PACRG: variants seen among roughly 807,000 people sequenced by gnomAD.
PACRG encodes the protein parkin coregulated.
Under a neutral mutation model 29.7 loss-of-function variants are expected in PACRG, and 29 were observed. The observed-to-expected ratio is 0.98, with a 90% CI of 0.73 to 1.33. The LOEUF is 1.33. PACRG is among the 40% of genes most tolerant of loss of function. The pLI is 0.00. For synonymous variants in PACRG, 116 were observed against 118.7 expected, an observed-to-expected ratio of 0.98 and a Z score of 0.15; for missense variants, 279 against 316.2, an observed-to-expected ratio of 0.88 and a Z score of 0.89.
intron 2 of PACRG, among the ~76,000 whole-genome samples, chr6:162,944,359 G>A (rs1386968380): frequency 2.0e-5 from 3 of 152,182 alleles, no homozygotes; most frequent in Non-Finnish European, 4.4e-5. Flanking sequence ...AACTGGAGAA[G>A]TGACTGTTGT....
intron 2 of PACRG, among the ~76,000 whole-genome samples, chr6:162,816,811 A>G (rs1405187463): frequency 1.3e-5 from 2 of 152,120 alleles, no homozygotes; most frequent in Non-Finnish European, 2.9e-5. Context: ...GTGTTGAAGG[A>G]AGCAGGGCGA....
At chr6:163,132,671 C>T (rs1816786247) in intron 4 of PACRG, among the ~76,000 whole-genome samples, 1 of 152,298 alleles carries the variant, frequency 6.6e-6, no homozygotes, top group Non-Finnish European at 1.5e-5. Flanking sequence ...ACTTCTGTAC[C>T]TCCTCAGTAG....
At chr6:163,035,685 G>A (rs1808106634) in intron 2 of PACRG, among the ~76,000 whole-genome samples, 1 of 151,352 alleles carries the variant, frequency 6.6e-6, no homozygotes, top group African/African-American at 2.4e-5. Context: ...AGGCATGGTG[G>A]TGTGTGCCTG....
In PACRG at chr6:163,118,189, A is replaced by G. The variant is rs142188647; in HGVS notation, c.613+28781A>G. Reference sequence around the variant, plus strand: ...ACTGCACAAGGAAGAGGAAAATAATACTTGCCACCTACCTACCCATTAGGG... The same window carrying G: ...ACTGCACAAGGAAGAGGAAAATAATGCTTGCCACCTACCTACCCATTAGGG... On this transcript the variant is annotated intron_variant, in intron 4 of 4. Coordinates refer to ENST00000366888, the MANE Select transcript of PACRG (RefSeq NM_001080379.2). Among the ~76,000 whole-genome samples the G allele has an allele frequency of 2.3e-3, 351 of 152,390 alleles. 2 individuals carry two copies. The highest frequency in any genetic ancestry group is 8.0e-3 in the African/African-American group (332 of 41,604).
chr6:162,919,277 A>G (rs978667608), intron 2 of PACRG, among the ~76,000 whole-genome samples: 1 of 152,180 alleles, frequency 6.6e-6, no homozygotes. Context: ...TGTAGAGTTC[A>G]TGCCTGTGAT....
rs180701001 is a variant in PACRG, at chr6:163,180,885, G to T, written c.613+91477G>T. On this transcript the variant is annotated intron_variant, in intron 4 of 4. Transcript: ENST00000366888. ...AGTCACCAGGCACCGAGCGTTGTGT[G>T]TGTTTCACCCGCTTGGCGTTTTCAT... Among the ~76,000 whole-genome samples, 3 of 152,326 alleles carry T rather than the reference G, an allele frequency of 2.0e-5. No individual in the cohort carries two copies. The East Asian group carries it at 5.8e-4, about 29-fold the overall frequency.
chr6:163,008,198 T>G (rs770272728), intron 2 of PACRG, among the ~76,000 whole-genome samples: 1 of 152,068 alleles, frequency 6.6e-6, no homozygotes, highest in Non-Finnish European at 1.5e-5. Flanking sequence ...ATGCTCACTC[T>G]CTCTCACGCA....
At chr6:163,079,312 A>G (rs1369599265) in intron 3 of PACRG, among the ~76,000 whole-genome samples, 1 of 151,946 alleles carries the variant, frequency 6.6e-6, no homozygotes, top group African/African-American at 2.4e-5. Flanking sequence ...ACTGGACTCG[A>G]TCAAATATAG....
intron 4 of PACRG, among the ~76,000 whole-genome samples, chr6:163,301,090 C>T (rs545429962): frequency 6.6e-6 from 1 of 150,970 alleles, no homozygotes; most frequent in Non-Finnish European, 1.5e-5. Flanking sequence ...TTTAGTAGGG[C>T]CACGTCTGCT....
intron 4 of PACRG, among the ~76,000 whole-genome samples, chr6:163,226,133 C>T (rs987550067): frequency 6.6e-6 from 1 of 152,210 alleles, no homozygotes; most frequent in Non-Finnish European, 1.5e-5. Context: ...TGCGTGATCT[C>T]ACTCATATGT....
At chr6:162,781,455 G>A (rs1315818296) in intron 1 of PACRG, among the ~76,000 whole-genome samples, 1 of 151,380 alleles carries the variant, frequency 6.6e-6, no homozygotes, top group East Asian at 1.9e-4. Context: ...GACCAGAAAT[G>A]GAAACTATAA....
intron 4 of PACRG, among the ~76,000 whole-genome samples, chr6:163,298,684 T>A (rs1341358089): frequency 1.3e-5 from 2 of 152,234 alleles, no homozygotes; most frequent in African/African-American, 4.8e-5. Context: ...CTTGTATTCC[T>A]TCCACTCCAT....
At chr6:162,941,007 TGTGTGTGC>T (rs1221550878) in intron 2 of PACRG, among the ~76,000 whole-genome samples, 1 of 151,488 alleles carries the variant, frequency 6.6e-6, no homozygotes, top group East Asian at 1.9e-4. Flanking sequence ...TGTGTGTTTG[TGTGTGTGC>T]GCGTGTGTGT....
intron 2 of PACRG, among the ~76,000 whole-genome samples, chr6:162,844,073 G>T (rs1184297481): frequency 1.7e-4 from 24 of 141,506 alleles, no homozygotes; most frequent in African/African-American, 5.7e-4. Context: ...CCTGCCCCCA[G>T]AGGTGGAGCC....
At chr6:162,973,670 T>G (rs1801712683) in intron 2 of PACRG, among the ~76,000 whole-genome samples, 1 of 152,230 alleles carries the variant, frequency 6.6e-6, no homozygotes, top group Non-Finnish European at 1.5e-5. Context: ...ATATTTATGT[T>G]GTACTAAGTC....
At chr6:163,102,574 A>C (rs532718631) in intron 4 of PACRG, among the ~76,000 whole-genome samples, 7 of 152,266 alleles carry the variant, frequency 4.6e-5, no homozygotes, top group Admixed American at 3.3e-4. Flanking sequence ...TTTTTTTCCA[A>C]ATCTTTGCTA....
chr6:163,251,998 A>G lies in PACRG; in HGVS notation c.614-62829A>G, dbSNP rs1160397334. Among the ~76,000 whole-genome samples the G allele has an allele frequency of 1.3e-4, 20 of 152,316 alleles. No homozygotes were observed. In the East Asian group the frequency reaches 1.5e-3, roughly 12 times the overall value. ...AGGTTGAAGGAGACAAGGCACCTGT[A>G]TACCTGGTCTAAGCCACAGCTAAGC... On this transcript the variant is annotated intron_variant, in intron 4 of 4. Coordinates refer to ENST00000366888, the MANE Select transcript of PACRG (RefSeq NM_001080379.2).
In PACRG at chr6:162,768,046, A is replaced by G. The variant is rs78201802; in HGVS notation, c.156+39655A>G. On this transcript the variant is annotated intron_variant, in intron 1 of 4. Transcript: ENST00000366888. Reference sequence around the variant, plus strand: ...TTTAAATAGGTGATTGGAGAGATGTACAAGATGTTTAGCATTGTATTTGCA... The same window carrying G: ...TTTAAATAGGTGATTGGAGAGATGTGCAAGATGTTTAGCATTGTATTTGCA... 1.0e-3 allele frequency among the ~76,000 whole-genome samples: 156 copies of G among 152,208 alleles called. 1 individual carries two copies. The highest frequency in any genetic ancestry group is 3.6e-3 in the African/African-American group (151 of 41,588).
intron 2 of PACRG, among the ~76,000 whole-genome samples, chr6:162,950,113 ATC>A (rs1224366352): frequency 3.9e-5 from 6 of 152,194 alleles, no homozygotes; most frequent in Admixed American, 1.3e-4. Flanking sequence ...GAAAAAAATT[ATC>A]TTTTTCTAAG....
Sources: gnomAD v4.1 joint callset for allele counts (sites outside exome capture counted in the v4.1 genomes callset) on GRCh38, gnomAD v4.1.1 for gene constraint, MANE v1.5 for transcripts, NCBI Gene and HGNC (gene_info 2026-07-23, HGNC 2026-07-21) for gene names.